The following NARS1 variants were observed in gnomAD, a reference collection of about 807,000 sequenced individuals.
NARS1 encodes the protein asparagine--tRNA ligase, cytoplasmic.
In NARS1, 65 loss-of-function variants were observed where a neutral mutation model predicts 79.2. That is an observed-to-expected ratio of 0.82 (90% CI 0.67 to 1.01). NARS1 has a LOEUF of 1.01. NARS1 is among the 50% of genes least tolerant of loss of function. NARS1 has a pLI of 0.00. For synonymous variants in NARS1, 229 were observed against 238.8 expected (o/e 0.96, Z 0.38); for missense variants, 649 against 673.8 (o/e 0.96, Z 0.41).
intron 2 of NARS1, among the ~76,000 whole-genome samples, chr18:57,618,073 T>C: frequency 6.6e-6 from 1 of 151,360 alleles, no homozygotes. Context: ...GCTCAAGAGT[T>C]CGAGACCAGC....
chr18:57,607,428 A>G lies in NARS1; in HGVS notation c.801+16T>C. On this transcript the variant is annotated intron_variant, in intron 8 of 13. Transcript: ENST00000256854. Reference sequence around the variant, plus strand: ...AAAAACATATTCTTTGCAAAAGCTGACGAATGCATACTTACTTCATAGTAC... The same window carrying G: ...AAAAACATATTCTTTGCAAAAGCTGGCGAATGCATACTTACTTCATAGTAC... 6.2e-7 allele frequency: 1 copy of G among 1,612,726 alleles called. No homozygotes were observed. Among genetic ancestry groups the G allele is most frequent in the Non-Finnish European group, 8.5e-7 (1 of 1,178,776 alleles).
At chr18:57,612,411 A>G (rs1215865392) in intron 5 of NARS1, among the ~76,000 whole-genome samples, 1 of 152,040 alleles carries the variant, frequency 6.6e-6, no homozygotes, top group Non-Finnish European at 1.5e-5. Flanking sequence ...CGCTTAAAAC[A>G]TTTCATTTGT....
chr18:57,617,641 G>T (rs1908108692), intron 2 of NARS1, among the ~76,000 whole-genome samples: 1 of 150,658 alleles, frequency 6.6e-6, no homozygotes, highest in Non-Finnish European at 1.5e-5. Context: ...CAAGGGCTGG[G>T]CGTGGTGGCT....
intron 10 of NARS1, among the ~76,000 whole-genome samples, chr18:57,606,392 G>A (rs190682474): frequency 6.7e-6 from 1 of 148,330 alleles, no homozygotes; most frequent in Non-Finnish European, 1.5e-5. Flanking sequence ...CTTCAGACTA[G>A]AAAACTATGT....
At chr18:57,615,319 G>A (rs1473264957) in intron 4 of NARS1, among the ~76,000 whole-genome samples, 5 of 152,230 alleles carry the variant, frequency 3.3e-5, no homozygotes, top group Admixed American at 6.6e-5. Flanking sequence ...TGGCTAACAC[G>A]GTGAAACCCC....
intron 1 of NARS1, 102 bp downstream of exon 1, chr18:57,621,606 G>T (rs544135743): frequency 4.9e-5 from 44 of 903,296 alleles, no homozygotes; most frequent in South Asian, 3.8e-4. Context: ...CATTCGCGGG[G>T]CGCCCACTCT....
chr18:57,606,304 C>G (rs1272863385), intron 10 of NARS1, among the ~76,000 whole-genome samples: 2 of 149,696 alleles, frequency 1.3e-5, no homozygotes, highest in African/African-American at 4.9e-5. Context: ...AGAGATCGCG[C>G]CACTGTACTT....
At chr18:57,610,028 CCT>C (rs1328132082) in intron 6 of NARS1, among the ~76,000 whole-genome samples, 1 of 152,092 alleles carries the variant, frequency 6.6e-6, no homozygotes, top group Non-Finnish European at 1.5e-5. Flanking sequence ...TCTGAGAAAC[CCT>C]GTGTCTCAAA....
Position 57,606,663 on chromosome 18 carries a change from G to A in NARS1, c.1090C>T (p.Arg364Ter), listed in dbSNP as rs752752210. Residue 364 changes from arginine (R) to a stop codon, truncating the protein, a stop_gained, in exon 10 of 14, where the codon CGA becomes TGA. Coordinates refer to ENST00000256854, the MANE Select transcript of NARS1 (RefSeq NM_004539.4). LOFTEE classifies it high-confidence loss of function. The part of the protein sequence containing the change: ...LEDLVCDVVD[R>*]ILKSPAGSIV... The stretch of plus-strand genomic sequence containing the variant: ...CTCCCTGCAGGTGACTTCAATATTC[G>A]ATCTACCACATCACAAACCAAGTCC... 7 of 1,613,944 alleles carry A rather than the reference G, an allele frequency of 4.3e-6. No homozygotes were observed. The highest frequency in any genetic ancestry group is 3.3e-5 in the Admixed American group (2 of 60,006).
chr18:57,606,977 C>T (rs911699136), intron 9 of NARS1, 157 bp downstream of exon 9: 13 of 940,990 alleles, frequency 1.4e-5, no homozygotes, highest in South Asian at 3.5e-5. Flanking sequence ...AACTTAGCTA[C>T]GATCTAAGGT....
Position 57,607,520 on chromosome 18 carries a change from A to G in NARS1, c.725T>C (p.Met242Thr). Residue 242 changes from methionine to threonine, a missense_variant, in exon 8 of 14, where the codon ATG becomes ACG. By Grantham distance (81) the Met-to-Thr change is moderately conservative. Coordinates refer to ENST00000256854, the MANE Select transcript of NARS1 (RefSeq NM_004539.4). ...GGATCGTGCTTTTAGGATTTTGGAC[A>G]TGTTTTCTCCTCGGATCATCATGTG... ...NRHMMIRGEN[M>T]SKILKARSMV... is the part of the protein sequence containing the mutation. 2 of 1,614,186 alleles carry G rather than the reference A, an allele frequency of 1.2e-6. No homozygotes were observed. Among genetic ancestry groups the G allele is most frequent in the Non-Finnish European group, 1.7e-6 (2 of 1,180,018 alleles).
rs1049180240 is a variant in NARS1 at position 57,606,053 on chromosome 18, T to C, written c.1138-83A>G. On this transcript the variant is annotated intron_variant, in intron 10 of 13. Transcript: ENST00000256854. ...TAAAATTTCCATTAAAAAACTATTA[T>C]AAAGTATTACTTCAGTGAGGTGTGG... 1.1e-4 allele frequency: 101 copies of C among 932,788 alleles called. No homozygotes were observed. The African/African-American group carries it at 1.6e-3, about 15-fold the overall frequency. 57.8% of individuals were successfully genotyped at this position (932,788 alleles called of 1,614,324 possible).
intron 11 of NARS1, among the ~76,000 whole-genome samples, chr18:57,603,960 T>C (rs1002616989): frequency 2.6e-5 from 4 of 152,216 alleles, no homozygotes; most frequent in Admixed American, 1.3e-4. Context: ...TAGCAATGTA[T>C]AGTAAATGCT....
intron 5 of NARS1, among the ~76,000 whole-genome samples, chr18:57,612,552 C>T (rs2051612980): frequency 6.6e-6 from 1 of 152,122 alleles, no homozygotes; most frequent in South Asian, 2.1e-4. Context: ...TCTCCTGCCT[C>T]AGCCTCTAGA....
chr18:57,621,719 C>T lies in NARS1; in HGVS notation c.-2G>A, dbSNP rs1489736867. ...TGAGTCTCACCCACCTAGCACCATG[C>T]CTGCAGTGGCCCTGGTCACCTCCAA... On this transcript the variant is annotated 5_prime_UTR_variant, in exon 1 of 14. Transcript: ENST00000256854. 1.2e-6 allele frequency: 2 copies of T among 1,613,674 alleles called. No homozygotes were observed. Among genetic ancestry groups the T allele is most frequent in the Non-Finnish European group, 1.7e-6 (2 of 1,179,856 alleles).
At chr18:57,605,134 A>AAATAT (rs536569272) in intron 11 of NARS1, among the ~76,000 whole-genome samples, 97 of 135,216 alleles carry the variant, frequency 7.2e-4, no homozygotes, top group Middle Eastern at 3.8e-3. Context: ...AAAAAAAAAA[A>AAATAT]ATATATATAT....
intron 11 of NARS1, among the ~76,000 whole-genome samples, chr18:57,604,724 T>A (rs1219657032): frequency 6.6e-6 from 1 of 152,050 alleles, no homozygotes; most frequent in African/African-American, 2.4e-5. Flanking sequence ...ACGCCATCTC[T>A]ACAAATAATA....
rs771883140 is a variant in NARS1 at position 57,607,148 on chromosome 18, T to A, written c.987A>T (p.Arg329=). 6.2e-7 allele frequency: 1 copy of A among 1,613,158 alleles called. No individual in the cohort carries two copies. Among genetic ancestry groups the A allele is most frequent in the Non-Finnish European group, 8.5e-7 (1 of 1,179,434 alleles). The change falls in exon 9 of 14, where the codon CGA becomes CGT. Residue 329 remains arginine (R), a synonymous_variant. Transcript: ENST00000256854. ...CAACTTCATACTCAGCCAGGTGCCT[T>A]CGTGTTCTGGACTGCTCTGCCCGGT... The part of the protein sequence containing the change: ...QSYRAEQSRT[R]RHLAEYTHVE...
intron 11 of NARS1, 63 bp from the exon 12 acceptor site, chr18:57,603,006 C>T (rs1169014108): frequency 1.3e-6 from 2 of 1,563,192 alleles, no homozygotes; most frequent in African/African-American, 2.7e-5. Context: ...AGAAGCAGCT[C>T]CTTCACCCTG....
Sources: gnomAD v4.1 joint callset for allele counts (sites outside exome capture counted in the v4.1 genomes callset) on GRCh38, gnomAD v4.1.1 for gene constraint, MANE v1.5 for transcripts, NCBI Gene and HGNC (gene_info 2026-07-23, HGNC 2026-07-21) for gene names.